Variants in MEGF10 observed in about 807,000 individuals in gnomAD.
MEGF10 encodes the protein multiple epidermal growth factor-like domains protein 10.
MEGF10 carries 86 observed loss-of-function variants against 147.5 expected under a neutral mutation model. The ratio of observed to expected loss-of-function variants is 0.58; its 90% CI spans 0.49 to 0.70. The LOEUF (loss-of-function observed/expected upper bound fraction) is 0.70, where lower values mean the gene tolerates loss of function less well. Among genes scored for constraint, MEGF10 ranks in the 30% least tolerant of loss-of-function variants. The pLI is 0.00. For synonymous variants in MEGF10, 478 were observed against 525.5 expected (o/e 0.91, Z 1.24); for missense variants, 1,329 against 1,487.3 (o/e 0.89, Z 1.75).
At chr5:127,422,585 G>A (rs1765054527) in intron 12 of MEGF10, 85 bp from the exon 13 acceptor site, 1 of 997,768 alleles carries the variant, frequency 1.0e-6, no homozygotes, top group Non-Finnish European at 1.6e-6. Flanking sequence ...TACTGTATGT[G>A]AAATGGCTGA....
chr5:127,434,368 T>C (rs1185198419), intron 14 of MEGF10, among the ~76,000 whole-genome samples: 2 of 152,172 alleles, frequency 1.3e-5, no homozygotes, highest in Admixed American at 6.5e-5. Context: ...TTTATCTCTT[T>C]ATTTATTCAA....
At chr5:127,439,913 G>C (rs1307806707) in intron 17 of MEGF10, among the ~76,000 whole-genome samples, 1 of 152,184 alleles carries the variant, frequency 6.6e-6, no homozygotes, top group Non-Finnish European at 1.5e-5. Context: ...ATGACAGCAG[G>C]GAGTCATCGG....
Position 127,337,795 on chromosome 5 carries a change from G to A in MEGF10, c.117-1325G>A, listed in dbSNP as rs1761524686. The stretch of plus-strand genomic sequence containing the variant: ...TTAAAACGTGATCATGAGGACCCAG[G>A]GAAGTGAGGTTATCTGCTGAACATC... On this transcript the variant is annotated intron_variant, in intron 2 of 24. Coordinates refer to ENST00000503335, the MANE Select transcript of MEGF10 (RefSeq NM_001256545.2). Among the ~76,000 whole-genome samples the A allele has an allele frequency of 1.3e-5, 2 of 152,010 alleles. 1 individual carries two copies. Among genetic ancestry groups the A allele is most frequent in the South Asian group, 4.1e-4 (2 of 4,822 alleles).
At chr5:127,315,244 A>G (rs994836436) in intron 1 of MEGF10, among the ~76,000 whole-genome samples, 1 of 152,028 alleles carries the variant, frequency 6.6e-6, no homozygotes, top group Non-Finnish European at 1.5e-5. Flanking sequence ...CCCCATAAAA[A>G]CTGTAATTAT....
the MEGF10 span, among the ~76,000 whole-genome samples, chr5:127,248,826 A>G: frequency 5.9e-5 from 9 of 152,074 alleles, no homozygotes; most frequent in East Asian, 1.7e-3. Flanking sequence ...ACTTGGTGAA[A>G]AAAAAAATCA....
intron 16 of MEGF10, among the ~76,000 whole-genome samples, chr5:127,438,021 T>TGTTG (rs1254120034): frequency 6.6e-6 from 1 of 152,216 alleles, no homozygotes; most frequent in East Asian, 1.9e-4. Context: ...TTTTTCATTT[T>TGTTG]GTTGGTTGGT....
chr5:127,293,272 C>T (rs1759344113), intron 1 of MEGF10, among the ~76,000 whole-genome samples: 1 of 152,162 alleles, frequency 6.6e-6, no homozygotes, highest in Non-Finnish European at 1.5e-5. Flanking sequence ...TTTGCATATT[C>T]ATCAAAGTGA....
At chr5:127,292,255 G>T (rs1383658279) in intron 1 of MEGF10, among the ~76,000 whole-genome samples, 1 of 152,130 alleles carries the variant, frequency 6.6e-6, no homozygotes, top group Non-Finnish European at 1.5e-5. Flanking sequence ...CCACTTTTCA[G>T]TTCTGTGATT....
intron 13 of MEGF10, among the ~76,000 whole-genome samples, chr5:127,423,514 G>A (rs765575120): frequency 6.6e-5 from 10 of 152,054 alleles, no homozygotes; most frequent in Non-Finnish European, 1.2e-4. Flanking sequence ...ATGTACGAGG[G>A]TTCCATTTTT....
chr5:127,445,494 C>G lies in MEGF10; in HGVS notation c.2529C>G (p.Ser843Arg). The G allele has an allele frequency of 6.2e-7, 1 of 1,614,114 alleles. No individual in the cohort carries two copies. ...VIIVGNLNSL[S>R]RTSTALPADS... Reference sequence around the variant, plus strand: ...TAGTTGGAAATCTGAACAGCTTAAGCCGAACCAGTACTGCTCTCCCTGCTG... The same window carrying G: ...TAGTTGGAAATCTGAACAGCTTAAGGCGAACCAGTACTGCTCTCCCTGCTG... The change falls in exon 20 of 25, where the codon AGC becomes AGG. Residue 843 changes from serine to arginine, a missense_variant. Physicochemically the swap from Ser to Arg is moderately radical, Grantham distance 110. Transcript: ENST00000503335.
intron 21 of MEGF10, among the ~76,000 whole-genome samples, chr5:127,448,655 A>G (rs1386740395): frequency 1.3e-5 from 2 of 152,208 alleles, no homozygotes; most frequent in East Asian, 1.9e-4. Context: ...TCATCAATTT[A>G]TTCTCATACA....
intron 5 of MEGF10, among the ~76,000 whole-genome samples, chr5:127,370,976 T>C (rs1304932297): frequency 6.6e-6 from 1 of 152,226 alleles, no homozygotes; most frequent in African/African-American, 2.4e-5. Flanking sequence ...TTAGTCTGAA[T>C]GGACTTATTT....
chr5:127,346,633 TG>T (rs1359700083), intron 4 of MEGF10, among the ~76,000 whole-genome samples: 2 of 152,216 alleles, frequency 1.3e-5, no homozygotes, highest in African/African-American at 4.8e-5. Flanking sequence ...ATGTATAGAT[TG>T]TGAAGATTTT....
chr5:127,425,966 G>C (rs1393351780), intron 13 of MEGF10, among the ~76,000 whole-genome samples: 1 of 152,212 alleles, frequency 6.6e-6, no homozygotes, highest in East Asian at 1.9e-4. Context: ...AGTGAAATCT[G>C]ACACAGAAGC....
chr5:127,331,398 C>T lies in MEGF10; in HGVS notation c.90C>T (p.Asp30=), dbSNP rs140458094. 1.8e-5 allele frequency: 29 copies of T among 1,610,878 alleles called. No individual in the cohort carries two copies. Among genetic ancestry groups the T allele is most frequent in the African/African-American group, 2.7e-5 (2 of 74,924 alleles). Residue 30 remains aspartate, a synonymous_variant, in exon 2 of 25, where the codon GAC becomes GAT. Transcript: ENST00000503335. ...CAGCATCACCTCTGAATCTTGAAGA[C>T]CCTAATGTGTGTAGCCACTGGGAAA... is the stretch of plus-strand genomic sequence containing the variant. ...IGTASPLNLE[D]PNVCSHWESY...
intron 5 of MEGF10, among the ~76,000 whole-genome samples, chr5:127,393,617 G>A (rs1290909084): frequency 6.6e-6 from 1 of 152,108 alleles, no homozygotes. Flanking sequence ...TGTATTAGTG[G>A]CATTTTAGGA....
intron 2 of MEGF10, among the ~76,000 whole-genome samples, chr5:127,338,443 T>G (rs950439771): frequency 3.3e-5 from 5 of 152,118 alleles, no homozygotes; most frequent in Admixed American, 6.6e-5. Flanking sequence ...GTTTTCACTC[T>G]AAGAAGAACC....
intron 13 of MEGF10, among the ~76,000 whole-genome samples, chr5:127,428,198 T>G (rs2126990356): frequency 6.6e-6 from 1 of 151,146 alleles, no homozygotes; most frequent in African/African-American, 2.4e-5. Context: ...ACCTCTGATT[T>G]ATATGACTTA....
the MEGF10 span, among the ~76,000 whole-genome samples, chr5:127,272,515 G>A: frequency 1.3e-5 from 2 of 152,228 alleles, no homozygotes; most frequent in South Asian, 4.1e-4. Context: ...AGATTGCTTT[G>A]GACTGTATGG....
Sources: gnomAD v4.1 joint callset for allele counts (sites outside exome capture counted in the v4.1 genomes callset) on GRCh38, gnomAD v4.1.1 for gene constraint, MANE v1.5 for transcripts, NCBI Gene and HGNC (gene_info 2026-07-23, HGNC 2026-07-21) for gene names.